Variants in MAML2 observed in about 807,000 individuals in gnomAD.
MAML2 encodes the protein mastermind like transcriptional coactivator 2.
A neutral mutation model predicts 96.1 loss-of-function variants in MAML2; 22 were observed. The observed-to-expected ratio is 0.23, with a 90% CI of 0.16 to 0.33. The LOEUF (loss-of-function observed/expected upper bound fraction) is 0.33. Among genes scored for constraint, MAML2 ranks in the 10% least tolerant of loss-of-function variants. The pLI is 1.00. For missense variants in MAML2, 1,367 were observed against 1,392.4 expected (o/e 0.98, Z 0.29); for synonymous variants, 561 against 521.3 (o/e 1.08, Z -1.04).
chr11:96,298,226 A>G (rs1863329424), intron 1 of MAML2, among the ~76,000 whole-genome samples: 1 of 152,248 alleles, frequency 6.6e-6, no homozygotes, highest in South Asian at 2.1e-4. Flanking sequence ...CTTCTATTGC[A>G]AACAGCATGC....
Position 96,120,867 on chromosome 11 carries a change from G to A in MAML2, c.514-27350C>T, listed in dbSNP as rs1291627616. 2.0e-5 allele frequency among the ~76,000 whole-genome samples: 3 copies of A among 152,290 alleles called. No individual in the cohort carries two copies. The East Asian group carries it at 5.8e-4, about 29-fold the overall frequency. ...ATGAGGATTCTCAGAGTCTAAAGGA[G>A]AAACCGAAGAATGCAGTTAAATTAC... On this transcript the variant is annotated intron_variant, in intron 1 of 4. Coordinates refer to ENST00000524717, the MANE Select transcript of MAML2 (RefSeq NM_032427.4).
At chr11:96,267,421 G>A (rs1002527478) in intron 1 of MAML2, among the ~76,000 whole-genome samples, 2 of 152,052 alleles carry the variant, frequency 1.3e-5, no homozygotes, top group African/African-American at 4.8e-5. Flanking sequence ...CTTCTAGCTA[G>A]GGGAAAAAAG....
intron 1 of MAML2, among the ~76,000 whole-genome samples, chr11:96,331,151 G>A (rs1157550553): frequency 6.6e-6 from 1 of 152,070 alleles, no homozygotes; most frequent in Non-Finnish European, 1.5e-5. Context: ...TGCACCTGCA[G>A]TCCCAGCTAC....
intron 1 of MAML2, among the ~76,000 whole-genome samples, chr11:96,157,542 C>T (rs1861029673): frequency 6.6e-6 from 1 of 152,158 alleles, no homozygotes; most frequent in African/African-American, 2.4e-5. Context: ...AGTTCACTGG[C>T]AAGAATAACA....
intron 2 of MAML2, among the ~76,000 whole-genome samples, chr11:96,067,315 T>C (rs1859261573): frequency 6.6e-6 from 1 of 152,176 alleles, no homozygotes; most frequent in African/African-American, 2.4e-5. Context: ...TAAAAACAAC[T>C]CTTCAAGACA....
intron 1 of MAML2, among the ~76,000 whole-genome samples, chr11:96,241,858 G>A (rs371677389): frequency 3.3e-5 from 5 of 152,142 alleles, no homozygotes; most frequent in Non-Finnish European, 4.4e-5. Flanking sequence ...TCTAAGTATC[G>A]TTCTGGTTTG....
In MAML2 at chr11:96,261,324, C is replaced by T. The variant is rs1053328309; in HGVS notation, c.513+80059G>A. Among the ~76,000 whole-genome samples, 13 of 152,018 alleles carry T rather than the reference C, an allele frequency of 8.6e-5. 1 individual carries two copies. Among genetic ancestry groups the T allele is most frequent in the Admixed American group, 8.5e-4 (13 of 15,236 alleles). ...GCTATCAACAGATGCAGCCCCTCAA[C>T]CTTGGACCTCTCAGCCTCCATAACT... On this transcript the variant is annotated intron_variant, in intron 1 of 4. Transcript: ENST00000524717.
intron 1 of MAML2, among the ~76,000 whole-genome samples, chr11:96,215,993 A>G (rs561632478): frequency 6.6e-6 from 1 of 152,140 alleles, no homozygotes; most frequent in African/African-American, 2.4e-5. Context: ...TAAGGCTGAG[A>G]CATGTACTGC....
At chr11:96,122,109 C>A (rs1046396275) in intron 1 of MAML2, among the ~76,000 whole-genome samples, 1 of 151,808 alleles carries the variant, frequency 6.6e-6, no homozygotes, top group South Asian at 2.1e-4. Context: ...CCCGCCCGGC[C>A]CCTGTCTGCT....
intron 1 of MAML2, among the ~76,000 whole-genome samples, chr11:96,298,348 G>C (rs971189574): frequency 2.0e-5 from 3 of 152,226 alleles, no homozygotes; most frequent in African/African-American, 7.2e-5. Context: ...GCTGAGGTTT[G>C]GTGGAGGATG....
rs1858636928 is a variant in MAML2, at chr11:96,032,661, AATAG to A, written c.2140-40942_2140-40939del. On this transcript the variant is annotated intron_variant, in intron 2 of 4. Coordinates refer to ENST00000524717, the MANE Select transcript of MAML2 (RefSeq NM_032427.4). ...ACAATCAAATGTCTCTTATTTGGTG[AATAG>A]ATAAACAAACTATCATAGATTCATA... Among the ~76,000 whole-genome samples the A allele has an allele frequency of 1.3e-5, 2 of 152,144 alleles. 1 individual carries two copies. Among genetic ancestry groups the A allele is most frequent in the South Asian group, 4.1e-4 (2 of 4,832 alleles).
chr11:96,015,594 G>T, intron 2 of MAML2, among the ~76,000 whole-genome samples: 1 of 119,728 alleles, frequency 8.4e-6, no homozygotes, highest in East Asian at 2.8e-4. Flanking sequence ...AGGGGGGGGG[G>T]GCAATTCATG....
chr11:96,275,348 G>A (rs927245846), intron 1 of MAML2, among the ~76,000 whole-genome samples: 3 of 130,626 alleles, frequency 2.3e-5, no homozygotes, highest in Non-Finnish European at 4.6e-5. Flanking sequence ...CGTGATCTCT[G>A]CTCACTGCAA....
intron 1 of MAML2, among the ~76,000 whole-genome samples, chr11:96,097,019 CCACTGTGAATGCCTACATGCAGTAGGCA>C (rs1859840809): frequency 1.9e-5 from 1 of 52,130 alleles, no homozygotes; most frequent in Non-Finnish European, 4.8e-5. Flanking sequence ...TCACCGAGGC[CCACTGTGAATGCCTACATGCAGTAGGCA>C]CCAAGCTACT....
chr11:96,177,243 A>G (rs1452897134), intron 1 of MAML2, among the ~76,000 whole-genome samples: 4 of 152,204 alleles, frequency 2.6e-5, no homozygotes, highest in Non-Finnish European at 4.4e-5. Context: ...CCCTTTGAGG[A>G]TTATGAATCA....
At chr11:96,119,012 T>C (rs1212905918) in intron 1 of MAML2, among the ~76,000 whole-genome samples, 1 of 152,174 alleles carries the variant, frequency 6.6e-6, no homozygotes, top group African/African-American at 2.4e-5. Context: ...CTACATCTAT[T>C]GACTCTTACC....
intron 1 of MAML2, among the ~76,000 whole-genome samples, chr11:96,253,644 G>A (rs989835083): frequency 1.1e-4 from 16 of 152,190 alleles, no homozygotes; most frequent in African/African-American, 3.4e-4. Context: ...CTCTTTGAGA[G>A]AGAAACCCCA....
At chr11:96,148,318 G>T (rs1054221170) in intron 1 of MAML2, among the ~76,000 whole-genome samples, 9 of 152,080 alleles carry the variant, frequency 5.9e-5, no homozygotes, top group African/African-American at 9.7e-5. Flanking sequence ...AAAACAGAAG[G>T]TCTGATTTTG....
intron 1 of MAML2, among the ~76,000 whole-genome samples, chr11:96,163,919 A>G (rs1002379519): frequency 6.8e-6 from 1 of 148,056 alleles, no homozygotes; most frequent in African/African-American, 2.5e-5. Context: ...CGGGAGTGCA[A>G]TGGTGTGATC....
Sources: gnomAD v4.1 joint callset for allele counts (sites outside exome capture counted in the v4.1 genomes callset) on GRCh38, gnomAD v4.1.1 for gene constraint, MANE v1.5 for transcripts, NCBI Gene and HGNC (gene_info 2026-07-23, HGNC 2026-07-21) for gene names.